The following DLGAP4 variants were observed in gnomAD, a reference collection of about 807,000 sequenced individuals.
DLGAP4 encodes DLG associated protein 4.
A neutral mutation model predicts 86.9 loss-of-function variants in DLGAP4; 18 were observed. The ratio of observed to expected loss-of-function variants is 0.21; its 90% confidence interval spans 0.14 to 0.31. The LOEUF (loss-of-function observed/expected upper bound fraction) is 0.31, where lower values mean the gene tolerates loss of function less well. Among genes scored for constraint, DLGAP4 ranks in the 10% least tolerant of loss-of-function variants. The probability of loss-of-function intolerance (pLI) is 1.00; values close to 1 mark genes in which losing one functional copy is unlikely to be tolerated. For missense variants in DLGAP4, 1,085 were observed against 1,362.6 expected, an observed-to-expected ratio of 0.80 and a Z score of 3.21; for synonymous variants, 548 against 574.3, an observed-to-expected ratio of 0.95 and a Z score of 0.65.
In DLGAP4 at chr20:36,306,955, A is replaced by G. The variant is rs1165053207; in HGVS notation, c.-304+443A>G. ...AGGCGGACCCCTCCCGTGCCCGGCC[A>G]ACCTTGGCGCTTGGGAGAGCAGGGC... On this transcript the variant is annotated intron_variant, in intron 1 of 12. Transcript: ENST00000339266. This position sits in a 1 kb window ranked among gnomAD's most constrained non-coding sequence, Gnocchi z 4.9. 6.6e-6 allele frequency among the ~76,000 whole-genome samples: 1 copy of G among 151,990 alleles called. No homozygotes were observed. Among genetic ancestry groups the G allele is most frequent in the Non-Finnish European group, 1.5e-5 (1 of 67,986 alleles).
intron 3 of DLGAP4, among the ~76,000 whole-genome samples, chr20:36,434,998 G>A (rs939411018): frequency 1.3e-5 from 2 of 152,212 alleles, no homozygotes; most frequent in East Asian, 1.9e-4. Context: ...TGTGTCCACA[G>A]TGCAGTAGTT....
chr20:36,444,833 T>C (rs1039571617), intron 6 of DLGAP4, among the ~76,000 whole-genome samples: 31 of 150,974 alleles, frequency 2.1e-4, no homozygotes, highest in South Asian at 4.2e-4. Context: ...AGAGACAGGA[T>C]TTCTCCATGT....
chr20:36,390,466 G>A (rs1181914595), intron 2 of DLGAP4, among the ~76,000 whole-genome samples: 4 of 151,984 alleles, frequency 2.6e-5, no homozygotes, highest in Non-Finnish European at 5.9e-5. Flanking sequence ...GTTCTGACTC[G>A]CCTCCTGCAG....
rs140818733 is a variant in DLGAP4, at chr20:36,359,781, C to T, written c.-303-7264C>T. 2.0e-4 allele frequency among the ~76,000 whole-genome samples: 31 copies of T among 152,254 alleles called. 1 individual carries two copies. Among genetic ancestry groups the T allele is most frequent in the Admixed American group, 1.0e-3 (16 of 15,298 alleles). On this transcript the variant is annotated intron_variant, in intron 1 of 12. Transcript: ENST00000339266. ...CCTATCAGAACATTGCCGGAGGGGA[C>T]GCCTCCCAGGCCCTTGCAGCTTGGA...
intron 2 of DLGAP4, among the ~76,000 whole-genome samples, chr20:36,394,790 C>G (rs2031898010): frequency 1.3e-5 from 2 of 152,274 alleles, no homozygotes; most frequent in African/African-American, 4.8e-5. Flanking sequence ...AGGGGCCTCT[C>G]CCTAAGACAC....
chr20:36,336,137 A>G (rs1382421708), intron 1 of DLGAP4, among the ~76,000 whole-genome samples: 2 of 151,980 alleles, frequency 1.3e-5, no homozygotes, highest in African/African-American at 4.8e-5. Context: ...TCCACCACGA[A>G]CTTCCTCCAT....
At position 36,454,808 on chromosome 20, in the gene DLGAP4, G is replaced by T. The variant is rs1000358289; in HGVS notation, c.1648+7871G>T. ...GGCAGTGAGAGCCCCTCTCAAGCAG[G>T]GCGTGGGCAGGGTGAGGAGCTGCCT... On this transcript the variant is annotated intron_variant, in intron 7 of 12. Coordinates refer to ENST00000339266, the MANE Select transcript of DLGAP4 (RefSeq NM_001365621.2). Among the ~76,000 whole-genome samples the T allele has an allele frequency of 2.0e-5, 3 of 152,204 alleles. No homozygotes were observed. In the East Asian group the frequency reaches 5.8e-4, roughly 29 times the overall value.
chr20:36,520,711 C>CT (rs897704873), intron 10 of DLGAP4, among the ~76,000 whole-genome samples: 11 of 151,636 alleles, frequency 7.3e-5, no homozygotes, highest in Admixed American at 3.9e-4. Flanking sequence ...AGTTTATCTG[C>CT]TTTTTTTTCC....
At chr20:36,472,633 T>A (rs1350576550) in intron 7 of DLGAP4, among the ~76,000 whole-genome samples, 1 of 152,066 alleles carries the variant, frequency 6.6e-6, no homozygotes. Context: ...TCAGCTCACT[T>A]CTGCTTGGAT....
At chr20:36,503,478 C>CTTT (rs2036229979) in intron 10 of DLGAP4, among the ~76,000 whole-genome samples, 1 of 136,350 alleles carries the variant, frequency 7.3e-6, no homozygotes, top group African/African-American at 3.2e-5. Context: ...CCATATATGG[C>CTTT]CTTTTTTTTT....
At chr20:36,433,704 T>C (rs1172137377) in intron 3 of DLGAP4, among the ~76,000 whole-genome samples, 2 of 151,998 alleles carry the variant, frequency 1.3e-5, no homozygotes, top group African/African-American at 4.8e-5. Context: ...CAGGCTGGAA[T>C]GCAGTGGCGC....
At chr20:36,478,545 C>A (rs2035045730) in intron 7 of DLGAP4, among the ~76,000 whole-genome samples, 2 of 152,204 alleles carry the variant, frequency 1.3e-5, no homozygotes, top group South Asian at 4.1e-4. Context: ...CCAGATGTTT[C>A]TTGGGATGCT....
At chr20:36,343,631 C>T (rs1375869047) in intron 1 of DLGAP4, among the ~76,000 whole-genome samples, 1 of 152,126 alleles carries the variant, frequency 6.6e-6, no homozygotes, top group Non-Finnish European at 1.5e-5. Flanking sequence ...CCCCCCCCAA[C>T]CCCCCGTTGG....
chr20:36,335,079 C>T (rs1382475396), intron 1 of DLGAP4, among the ~76,000 whole-genome samples: 3 of 152,110 alleles, frequency 2.0e-5, no homozygotes, highest in Admixed American at 2.0e-4. Context: ...GGCACCTGAG[C>T]CCCTGGGGTG....
chr20:36,412,348 C>T (rs986319283), intron 2 of DLGAP4, among the ~76,000 whole-genome samples: 24 of 152,236 alleles, frequency 1.6e-4, no homozygotes, highest in Non-Finnish European at 1.6e-4. Flanking sequence ...GAGGCATCTC[C>T]CAGCCTGTCA....
intron 12 of DLGAP4, 85 bp from the exon 13 acceptor site, chr20:36,526,728 G>C: frequency 7.6e-7 from 1 of 1,315,488 alleles, no homozygotes; most frequent in Non-Finnish European, 1.0e-6. Context: ...GGAGACTCCA[G>C]CTGCCGGCAT....
chr20:36,428,519 C>A (rs1028274237), intron 2 of DLGAP4, among the ~76,000 whole-genome samples: 1 of 152,180 alleles, frequency 6.6e-6, no homozygotes, highest in African/African-American at 2.4e-5. Flanking sequence ...CCATGCTGGG[C>A]CAGATGGACA....
Position 36,500,479 on chromosome 20 carries a change from C to A in DLGAP4, c.2380C>A (p.Pro794Thr). ...LETSSSSPAE[P>T]AQPGACRRDG... Reference sequence around the variant, plus strand: ...GACCTCCTCCAGCTCCCCAGCAGAGCCGGCACAGCCAGGGGCCTGCCGCCG... The same window carrying A: ...GACCTCCTCCAGCTCCCCAGCAGAGACGGCACAGCCAGGGGCCTGCCGCCG... The change falls in exon 10 of 13, where the codon CCG becomes ACG. Residue 794 changes from proline (P) to threonine (T), a missense_variant. Pro to Thr is a conservative substitution (Grantham distance 38). Around this residue, in one of 2 missense-constraint regions of DLGAP4, gnomAD observed 1,082 missense variants for 1,344.1 expected, o/e 0.81. Transcript: ENST00000339266. The surrounding 1 kb of genome is among the most constrained non-coding windows in gnomAD (Gnocchi z 4.6). 1 of 1,592,256 alleles carries A rather than the reference C, an allele frequency of 6.3e-7. No homozygotes were observed. Among genetic ancestry groups the A allele is most frequent in the Non-Finnish European group, 8.6e-7 (1 of 1,168,508 alleles).
chr20:36,331,026 A>C (rs1301426624), intron 1 of DLGAP4, among the ~76,000 whole-genome samples: 2 of 152,204 alleles, frequency 1.3e-5, no homozygotes, highest in Non-Finnish European at 2.9e-5. Flanking sequence ...GTGAGGAGAG[A>C]GGGCTGGGCT....
Sources: gnomAD v4.1 joint callset for allele counts (sites outside exome capture counted in the v4.1 genomes callset) on GRCh38, gnomAD v4.1.1 for gene constraint, gnomAD v4.1.1 regional missense constraint, Gnocchi (gnomAD v3.1) non-coding constraint, MANE v1.5 for transcripts, NCBI Gene and HGNC (gene_info 2026-07-23, HGNC 2026-07-21) for gene names.